Variants in ERLEC1 observed in about 807,000 individuals in gnomAD.
The protein encoded by ERLEC1 is ER lectin.
A neutral mutation model predicts 68.0 loss-of-function variants in ERLEC1; 47 were observed. That is an observed-to-expected ratio of 0.69 (90% CI 0.55 to 0.88). The LOEUF (loss-of-function observed/expected upper bound fraction) is 0.88. Ranked by LOEUF, ERLEC1 falls within the 40% of genes least tolerant of loss-of-function variation. ERLEC1 has a pLI of 0.00. For missense variants in ERLEC1, 567 were observed against 583.8 expected (o/e 0.97, Z 0.30); for synonymous variants, 225 against 203.2 (o/e 1.11, Z -0.91).
intron 10 of ERLEC1, among the ~76,000 whole-genome samples, chr2:53,810,093 A>G (rs1173657971): frequency 6.6e-6 from 1 of 152,116 alleles, no homozygotes; most frequent in Non-Finnish European, 1.5e-5. Flanking sequence ...ACAAAAAAAG[A>G]ACGAAAATAA....
At chr2:53,811,139 G>T (rs1256166260) in intron 10 of ERLEC1, among the ~76,000 whole-genome samples, 1 of 152,170 alleles carries the variant, frequency 6.6e-6, no homozygotes, top group Non-Finnish European at 1.5e-5. Context: ...GTATCTTGGA[G>T]ATTGCTCCAC....
intron 10 of ERLEC1, among the ~76,000 whole-genome samples, chr2:53,811,753 A>G (rs1366954298): frequency 6.6e-6 from 1 of 152,236 alleles, no homozygotes; most frequent in Non-Finnish European, 1.5e-5. Flanking sequence ...GTCTGGCTCC[A>G]TATCCAACCT....
intron 13 of ERLEC1, 53 bp from the exon 14 acceptor site, chr2:53,817,845 C>T (rs992590610): frequency 4.4e-5 from 47 of 1,065,854 alleles, no homozygotes; most frequent in Admixed American, 3.4e-5. Flanking sequence ...CAGAATAGTA[C>T]TGAAAAGTAT....
chr2:53,795,139 C>T (rs1028454958), intron 2 of ERLEC1, among the ~76,000 whole-genome samples: 4 of 152,152 alleles, frequency 2.6e-5, no homozygotes, highest in African/African-American at 4.8e-5. Flanking sequence ...CCCTTTTCTT[C>T]CTCCTAAAAT....
At chr2:53,803,165 A>G (rs1407749991) in intron 8 of ERLEC1, among the ~76,000 whole-genome samples, 2 of 152,208 alleles carry the variant, frequency 1.3e-5, no homozygotes, top group Admixed American at 1.3e-4. Context: ...AGAAGGCAGA[A>G]GAAACATACT....
chr2:53,806,178 T>G lies in ERLEC1; in HGVS notation c.880-2121T>G, dbSNP rs571772023. On this transcript the variant is annotated intron_variant, in intron 8 of 13. Transcript: ENST00000185150. Reference sequence around the variant, plus strand: ...TTTTGGTTTGATGTTCTGCCTGTTATGTTAATTTAGAGATTACTGGACTAT... The same window carrying G: ...TTTTGGTTTGATGTTCTGCCTGTTAGGTTAATTTAGAGATTACTGGACTAT... 1.6e-4 allele frequency among the ~76,000 whole-genome samples: 25 copies of G among 152,346 alleles called. 1 individual carries two copies. In the South Asian group the frequency reaches 5.2e-3, roughly 32 times the overall value.
Position 53,787,134 on chromosome 2 carries a change from T to C in ERLEC1, c.-77T>C. 1.9e-5 allele frequency: 12 copies of C among 648,368 alleles called. No individual in the cohort carries two copies. Among genetic ancestry groups the C allele is most frequent in the African/African-American group, 3.8e-5 (2 of 52,608 alleles). The allele number at this position is 648,368 out of a possible 1,614,324, so 40.2% of individuals were successfully genotyped here. A position where few individuals can be genotyped will look rare whatever the true frequency, so the allele number is the denominator to read the frequency against. ...GCTTTATAGTCCCGCCGCCTCCTCCTCCACCTCCTCCTCCTCCTCCTCTCC... is the reference window on the plus strand; with the variant it reads ...GCTTTATAGTCCCGCCGCCTCCTCCCCCACCTCCTCCTCCTCCTCCTCTCC... On this transcript the variant is annotated 5_prime_UTR_variant, in exon 1 of 14. Transcript: ENST00000185150.
chr2:53,792,073 G>C (rs189322320), intron 1 of ERLEC1, among the ~76,000 whole-genome samples: 17 of 152,114 alleles, frequency 1.1e-4, no homozygotes, highest in African/African-American at 3.4e-4. Flanking sequence ...CACCACGGCC[G>C]GCTAAATTTT....
chr2:53,812,978 T>G lies in ERLEC1; in HGVS notation c.1131T>G (p.Val377=). Residue 377 remains valine (V), a synonymous_variant, in exon 11 of 14, where the codon GTT becomes GTG. Coordinates refer to ENST00000185150, the MANE Select transcript of ERLEC1 (RefSeq NM_015701.5). ...EDKDSGKTSV[V]VGTWNQEEHI... ...AGGATAGTGGGAAAACCTCTGTGGT[T>G]GTCGGGACATGGAACCAAGAAGAGC... 1.9e-6 allele frequency: 3 copies of G among 1,613,494 alleles called. No homozygotes were observed. The highest frequency in any genetic ancestry group is 2.5e-6 in the Non-Finnish European group (3 of 1,179,892).
intron 2 of ERLEC1, 124 bp from the exon 3 acceptor site, chr2:53,795,809 T>G: frequency 1.6e-6 from 1 of 638,396 alleles, no homozygotes; most frequent in Non-Finnish European, 2.7e-6. Context: ...TGTTAAACAT[T>G]TTGACTTTTT....
chr2:53,787,529 G>C (rs763950068), intron 1 of ERLEC1, 157 bp downstream of exon 1: 1 of 828,242 alleles, frequency 1.2e-6, no homozygotes, highest in East Asian at 2.8e-5. Flanking sequence ...TCATTCATTC[G>C]TTCGTTCTCA....
At chr2:53,801,869 T>G (rs1676025022) in intron 8 of ERLEC1, 27 bp downstream of exon 8, 5 of 1,587,482 alleles carry the variant, frequency 3.1e-6, no homozygotes, top group Non-Finnish European at 4.3e-6. Context: ...ATGATAGCTT[T>G]TTGGTGCTTC....
Position 53,808,478 on chromosome 2 carries a change from A to T in ERLEC1, c.1041+18A>T, listed in dbSNP as rs192095321. The T allele has an allele frequency of 4.0e-5, 64 of 1,610,970 alleles. No homozygotes were observed. Among genetic ancestry groups the T allele is most frequent in the Non-Finnish European group, 1.3e-5 (15 of 1,179,522 alleles). On this transcript the variant is annotated intron_variant, in intron 9 of 13. Transcript: ENST00000185150. ...TTCGTGGGGTGAGAAGTAAATCTTCAGTTTAAATATTTATTTTACAACTTT... is the reference window on the plus strand; with the variant it reads ...TTCGTGGGGTGAGAAGTAAATCTTCTGTTTAAATATTTATTTTACAACTTT...
intron 1 of ERLEC1, among the ~76,000 whole-genome samples, chr2:53,791,659 T>A (rs958536488): frequency 1.3e-5 from 2 of 152,210 alleles, no homozygotes; most frequent in African/African-American, 4.8e-5. Context: ...TTTCCTAAAC[T>A]AATGAAAGAC....
intron 1 of ERLEC1, 186 bp downstream of exon 1, chr2:53,787,558 C>T: frequency 1.7e-6 from 1 of 594,602 alleles, no homozygotes; most frequent in Admixed American, 3.4e-5. Flanking sequence ...GGATGCGTCC[C>T]CCTTGCTGAG....
At chr2:53,805,807 T>G (rs1318405406) in intron 8 of ERLEC1, among the ~76,000 whole-genome samples, 1 of 152,206 alleles carries the variant, frequency 6.6e-6, no homozygotes, top group Non-Finnish European at 1.5e-5. Flanking sequence ...TTGCCAGCAT[T>G]TCTTATTGCC....
At chr2:53,797,820 C>G (rs2949813) in intron 5 of ERLEC1, 25 bp downstream of exon 5, 118,051 of 1,581,832 alleles carry the variant, frequency 0.075, 5,294 homozygotes, top group Admixed American at 0.16. Context: ...AGTGATTTGA[C>G]AGTAATGCTG....
At chr2:53,805,028 T>G (rs1199430370) in intron 8 of ERLEC1, among the ~76,000 whole-genome samples, 1 of 125,638 alleles carries the variant, frequency 8.0e-6, no homozygotes, top group East Asian at 2.5e-4. Context: ...GGAGTCTCAC[T>G]CTGTTGCCCA....
intron 8 of ERLEC1, among the ~76,000 whole-genome samples, chr2:53,803,173 A>G (rs1051786948): frequency 1.3e-5 from 2 of 152,208 alleles, no homozygotes; most frequent in Middle Eastern, 3.2e-3. Context: ...GAAGAAACAT[A>G]CTTGGCTGCA....
Sources: allele counts gnomAD v4.1 joint callset (sites outside exome capture counted in the v4.1 genomes callset), GRCh38; gene constraint gnomAD v4.1.1; transcripts MANE v1.5; gene names NCBI Gene and HGNC (gene_info 2026-07-23, HGNC 2026-07-21).